Variants in LGALS9 observed in about 807,000 individuals in gnomAD.
LGALS9 encodes galectin 9.
In LGALS9, 26 loss-of-function variants were observed where a neutral mutation model predicts 35.9. That is an observed-to-expected ratio of 0.72 (90% CI 0.53 to 1.01). LGALS9 has a LOEUF of 1.01. Among genes scored for constraint, LGALS9 ranks in the 50% least tolerant of loss-of-function variants. The probability of loss-of-function intolerance (pLI) is 0.00; values close to 1 mark genes in which losing one functional copy is unlikely to be tolerated. For synonymous variants in LGALS9, 149 were observed against 172.2 expected (o/e 0.87, Z 1.06); for missense variants, 347 against 445.8 (o/e 0.78, Z 1.99).
chr17:27,633,171 G>A (rs953309277), intron 1 of LGALS9, among the ~76,000 whole-genome samples: 20 of 152,222 alleles, frequency 1.3e-4, no homozygotes, highest in African/African-American at 4.1e-4. Flanking sequence ...CAGCTCTGTT[G>A]CTGACCAGTT....
intron 5 of LGALS9, 86 bp downstream of exon 5, chr17:27,643,706 A>G: frequency 7.4e-6 from 11 of 1,489,460 alleles, no homozygotes; most frequent in South Asian, 2.8e-5. Flanking sequence ...CCAGCAGGCC[A>G]CTCAGGGCCT....
At chr17:27,648,642 C>G (rs1905102955) in intron 10 of LGALS9, among the ~76,000 whole-genome samples, 194 bp from the exon 11 acceptor site, 1 of 151,678 alleles carries the variant, frequency 6.6e-6, no homozygotes, top group African/African-American at 2.4e-5. Flanking sequence ...GTATTCTAGA[C>G]CAGGGAACAG....
intron 2 of LGALS9, chr17:27,640,244 G>A (rs1362050389): frequency 5.1e-6 from 2 of 395,788 alleles, no homozygotes; most frequent in African/African-American, 4.1e-5. Flanking sequence ...CTCTCTTCTA[G>A]GTGTGCTTAA....
At position 27,642,251 on chromosome 17, in the gene LGALS9, G is replaced by C. The variant is rs763559398; in HGVS notation, c.347G>C (p.Gly116Ala). The C allele has an allele frequency of 1.9e-6, 3 of 1,612,798 alleles. No individual in the cohort carries two copies. In the Admixed American group the frequency reaches 5.0e-5, roughly 27 times the overall value. ...QSSDFKVMVN[G>A]ILFVQYFHRV... ...CTCCTCTGGCAGGTGATGGTGAACG[G>C]GATCCTCTTCGTGCAGTACTTCCAC... The change falls in exon 4 of 11, where the codon GGG becomes GCG. Residue 116 changes from glycine (G) to alanine (A), a missense_variant. By Grantham distance (60) the Gly-to-Ala change is moderately conservative (BLOSUM62 0). Coordinates refer to ENST00000395473, the MANE Select transcript of LGALS9 (RefSeq NM_009587.3).
At chr17:27,640,368 T>A (rs537362917) in intron 2 of LGALS9, 2 of 779,638 alleles carry the variant, frequency 2.6e-6, no homozygotes. Flanking sequence ...CAAATCATGC[T>A]GTAAAGGCAA....
At chr17:27,647,511 T>C in intron 10 of LGALS9, 79 bp downstream of exon 10, 7 of 1,572,716 alleles carry the variant, frequency 4.5e-6, no homozygotes, top group Non-Finnish European at 6.1e-6. Context: ...TTGAGGTACC[T>C]TGAACAGTAT....
chr17:27,648,579 G>C (rs561557326), intron 10 of LGALS9, among the ~76,000 whole-genome samples: 1 of 152,312 alleles, frequency 6.6e-6, no homozygotes, highest in East Asian at 1.9e-4. Context: ...TGCTGGGCCT[G>C]AGGGATACAG....
At chr17:27,631,822 A>G (rs114664425) in intron 1 of LGALS9, among the ~76,000 whole-genome samples, 2,003 of 151,934 alleles carry the variant, frequency 0.013, 53 homozygotes, top group African/African-American at 0.045. Flanking sequence ...GTGTGTTTGA[A>G]CAGTGCCTGA....
At chr17:27,636,081 A>T (rs1241858692) in intron 1 of LGALS9, among the ~76,000 whole-genome samples, 1 of 152,106 alleles carries the variant, frequency 6.6e-6, no homozygotes, top group Non-Finnish European at 1.5e-5. Flanking sequence ...GTCTAACTGA[A>T]TCAGATCCCA....
intron 2 of LGALS9, among the ~76,000 whole-genome samples, chr17:27,638,885 A>G (rs965850122): frequency 2.0e-5 from 3 of 152,142 alleles, no homozygotes; most frequent in Non-Finnish European, 4.4e-5. Context: ...GTCTGGGAAC[A>G]GAGAAGAGCT....
intron 7 of LGALS9, 90 bp from the exon 8 acceptor site, chr17:27,646,457 G>A: frequency 2.5e-6 from 4 of 1,592,574 alleles, no homozygotes; most frequent in Non-Finnish European, 3.4e-6. Flanking sequence ...CCTCACAGTG[G>A]AGTCCTCTCT....
intron 8 of LGALS9, 86 bp from the exon 9 acceptor site, chr17:27,646,944 T>C (rs1419294164): frequency 3.2e-6 from 5 of 1,581,208 alleles, no homozygotes; most frequent in African/African-American, 1.3e-5. Flanking sequence ...CATGGGCTTC[T>C]TCTCAGCTGA....
intron 7 of LGALS9, 139 bp from the exon 8 acceptor site, chr17:27,646,408 A>G (rs1411688847): frequency 3.0e-6 from 4 of 1,316,684 alleles, no homozygotes; most frequent in South Asian, 2.4e-5. Context: ...AAAGGGAGGT[A>G]GACGGGCGAG....
chr17:27,648,843 T>A lies in LGALS9; in HGVS notation c.929T>A (p.Ile310Asn), dbSNP rs1905119191. 6.2e-7 allele frequency: 1 copy of A among 1,613,488 alleles called. No homozygotes were observed. The highest frequency in any genetic ancestry group is 1.3e-5 in the African/African-American group (1 of 74,748). ...FVRGQSFSVW[I>N]LCEAHCLKVA... ...GGCATGATCTCTGCACAGGTGTGGA[T>A]CTTGTGTGAAGCTCACTGCCTCAAG... The change falls in exon 11 of 11, where the codon ATC becomes AAC. Residue 310 changes from isoleucine to asparagine, a missense_variant. Physicochemically the swap from Ile to Asn is moderately radical, Grantham distance 149. Transcript: ENST00000395473.
rs372303671 is a variant in LGALS9 at position 27,638,304 on chromosome 17, C to T, written c.81C>T (p.Asp27=). The T allele has an allele frequency of 6.5e-5, 50 of 771,896 alleles. 2 individuals are homozygous for T. The highest frequency in any genetic ancestry group is 5.7e-4 in the African/African-American group (33 of 57,544). 47.8% of individuals were successfully genotyped at this position (771,896 alleles called of 1,614,324 possible). A position where few individuals can be genotyped will look rare whatever the true frequency, so the allele number is the denominator to read the frequency against. The change falls in exon 2 of 11, where the codon GAC becomes GAT. Residue 27 remains aspartate, a synonymous_variant. Transcript: ENST00000395473. ...GGACTATTCAAGGAGGTCTCCAGGA[C>T]GGACTTCAGATCACTGTCAATGGGA... ...FSGTIQGGLQ[D]GLQITVNGTV...
At position 27,648,882 on chromosome 17, in the gene LGALS9, G is replaced by T. The variant is rs145626584; in HGVS notation, c.968G>T (p.Gly323Val). The part of the protein sequence containing the change: ...EAHCLKVAVD[G>V]QHLFEYYHRL... The stretch of plus-strand genomic sequence containing the variant: ...CACTGCCTCAAGGTGGCCGTGGATG[G>T]TCAGCACCTGTTTGAATACTACCAT... The change falls in exon 11 of 11, where the codon GGT (glycine) becomes GTT (valine). Residue 323 changes from glycine (G) to valine (V), a missense_variant. Gly to Val is a moderately radical substitution (Grantham distance 109, BLOSUM62 -3). Transcript: ENST00000395473. 6.2e-7 allele frequency: 1 copy of T among 1,613,920 alleles called. No homozygotes were observed. Among genetic ancestry groups the T allele is most frequent in the South Asian group, 1.1e-5 (1 of 91,076 alleles).
At chr17:27,632,818 C>A (rs1052565514) in intron 1 of LGALS9, among the ~76,000 whole-genome samples, 1 of 152,218 alleles carries the variant, frequency 6.6e-6, no homozygotes, top group Non-Finnish European at 1.5e-5. Flanking sequence ...CCCCTCTACC[C>A]CACGGGGGCT....
chr17:27,640,563 T>G lies in LGALS9; in HGVS notation c.132-9T>G. 6.2e-7 allele frequency: 1 copy of G among 1,614,048 alleles called. No homozygotes were observed. Among genetic ancestry groups the G allele is most frequent in the African/African-American group, 1.3e-5 (1 of 75,072 alleles). On this transcript the variant is annotated splice_polypyrimidine_tract_variant and intron_variant, in intron 2 of 10. Transcript: ENST00000395473. ...GCCACAGAAGACTATTTGCTTTCCC[T>G]GGGCCTAGGTTTGCTGTGAACTTTC...
chr17:27,633,755 G>A (rs1598177861), intron 1 of LGALS9, among the ~76,000 whole-genome samples: 1 of 152,122 alleles, frequency 6.6e-6, no homozygotes, highest in African/African-American at 2.4e-5. Context: ...CTCAGCACAC[G>A]GAATCGCACC....
Sources: allele counts gnomAD v4.1 joint callset (sites outside exome capture counted in the v4.1 genomes callset), GRCh38; gene constraint gnomAD v4.1.1; transcripts MANE v1.5; gene names NCBI Gene and HGNC (gene_info 2026-07-23, HGNC 2026-07-21).